PIK3R3: variants seen among roughly 807,000 people sequenced by gnomAD.
PIK3R3 encodes phosphatidylinositol 3-kinase regulatory subunit gamma.
Under a neutral mutation model 62.9 loss-of-function variants are expected in PIK3R3, and 64 were observed. The ratio of observed to expected loss-of-function variants is 1.02; its 90% CI spans 0.83 to 1.25. The LOEUF is 1.25. Ranked by LOEUF, PIK3R3 falls within the 50% of genes most tolerant of loss-of-function variation. PIK3R3 has a pLI of 0.00. For missense variants in PIK3R3, 614 were observed against 561.6 expected (o/e 1.09, Z -0.94); for synonymous variants, 165 against 189.0 (o/e 0.87, Z 1.04).
chr1:46,131,591 A>G (rs1655590379), intron 1 of PIK3R3: 1 of 529,302 alleles, frequency 1.9e-6, no homozygotes, highest in Non-Finnish European at 3.5e-6. Flanking sequence ...AATAATGATA[A>G]TTTTAAAAAG....
At position 46,043,702 on chromosome 1, in the gene PIK3R3, G is replaced by C. The variant is rs1412994876; in HGVS notation, c.1357C>G (p.His453Asp). ...CTGCAAAGCGAGGGCATCTGTGCAT[G>C]AACAGGGTAGGCAAGCCTGACGTTG... ...SLNVRLAYPV[H>D]AQMPSLCR Residue 453 changes from histidine to aspartate, a missense_variant, in exon 10 of 10, where the codon CAT becomes GAT. By Grantham distance (81) the His-to-Asp change is moderately conservative. Coordinates refer to ENST00000262741, the MANE Select transcript of PIK3R3 (RefSeq NM_003629.4). 6.2e-7 allele frequency: 1 copy of C among 1,614,080 alleles called. No homozygotes were observed. The highest frequency in any genetic ancestry group is 8.5e-7 in the Non-Finnish European group (1 of 1,180,044).
chr1:46,083,790 G>A (rs960028026), intron 1 of PIK3R3, among the ~76,000 whole-genome samples: 1 of 152,162 alleles, frequency 6.6e-6, no homozygotes, highest in African/African-American at 2.4e-5. Context: ...ACAAGTGTTG[G>A]TGAGGATGTA....
At chr1:46,133,074 T>C, upstream of PIK3R3, 3 of 999,100 alleles carry the variant, frequency 3.0e-6, no homozygotes, top group Non-Finnish European at 3.6e-6. Context: ...TCTGCCTTGC[T>C]CCTGCGAAGG....
intron 1 of PIK3R3, among the ~76,000 whole-genome samples, chr1:46,131,288 T>TA (rs944645100): frequency 9.2e-5 from 14 of 151,862 alleles, no homozygotes; most frequent in African/African-American, 2.2e-4. Flanking sequence ...GCCCAATCCC[T>TA]AAAAAAAATC....
rs1438601959 is a variant in PIK3R3 at position 46,055,911 on chromosome 1, C to T, written c.825G>A (p.Met275Ile). Reference sequence around the variant, plus strand: ...GATTCTTCAAATCCTGCTCTAGACGCATTTTGCTATCATGAATCTCACCCA... The same window carrying T: ...GATTCTTCAAATCCTGCTCTAGACGTATTTTGCTATCATGAATCTCACCCA... ...SRLGEIHDSK[M>I]RLEQDLKNQA... Residue 275 changes from methionine to isoleucine, a missense_variant, in exon 7 of 10, where the codon ATG (methionine) becomes ATA (isoleucine). Met to Ile is a conservative substitution (Grantham distance 10). Coordinates refer to ENST00000262741, the MANE Select transcript of PIK3R3 (RefSeq NM_003629.4). 4 of 1,608,422 alleles carry T rather than the reference C, an allele frequency of 2.5e-6. No individual in the cohort carries two copies. The South Asian group carries it at 3.3e-5, about 13-fold the overall frequency.
At chr1:46,172,894 G>C in the PIK3R3 span, among the ~76,000 whole-genome samples, 1 of 152,174 alleles carries the variant, frequency 6.6e-6, no homozygotes, top group Non-Finnish European at 1.5e-5. Flanking sequence ...TAGGGAGGCT[G>C]AGGCACGAGA....
At chr1:46,098,554 T>A (rs1652359854) in intron 1 of PIK3R3, among the ~76,000 whole-genome samples, 1 of 152,168 alleles carries the variant, frequency 6.6e-6, no homozygotes, top group South Asian at 2.1e-4. Flanking sequence ...GGATAAACCT[T>A]GAAAACATTA....
At chr1:46,087,781 GT>G (rs2149423401) in intron 1 of PIK3R3, among the ~76,000 whole-genome samples, 1 of 152,106 alleles carries the variant, frequency 6.6e-6, no homozygotes, top group South Asian at 2.1e-4. Context: ...CAGTTAACAA[GT>G]TCCTGCCCAC....
rs1215337859 is a variant in PIK3R3 at position 46,046,708 on chromosome 1, TAG to T, written c.942-85_942-84del. On this transcript the variant is annotated intron_variant, in intron 7 of 9. Transcript: ENST00000262741. ...GGTATGTCTGAGCCAACTAAACTTC[TAG>T]AGTCTAGACACCTCTTGTTTTTCCT... The T allele has an allele frequency of 1.7e-5, 16 of 926,136 alleles. No homozygotes were observed. The African/African-American group carries it at 2.6e-4, about 15-fold the overall frequency. 57.4% of individuals were successfully genotyped at this position (926,136 alleles called of 1,614,324 possible).
intron 3 of PIK3R3, among the ~76,000 whole-genome samples, chr1:46,073,003 C>T (rs1317104611): frequency 6.6e-6 from 1 of 151,738 alleles, no homozygotes; most frequent in Non-Finnish European, 1.5e-5. Context: ...CTAATGCTTA[C>T]CCAGTATCAG....
At chr1:46,125,885 C>T (rs1320241804) in intron 1 of PIK3R3, among the ~76,000 whole-genome samples, 1 of 151,964 alleles carries the variant, frequency 6.6e-6, no homozygotes, top group African/African-American at 2.4e-5. Context: ...CTCAACCTCC[C>T]GAGTAGCTGG....
At chr1:46,112,420 T>C (rs992367349) in intron 1 of PIK3R3, among the ~76,000 whole-genome samples, 2 of 152,188 alleles carry the variant, frequency 1.3e-5, no homozygotes, top group Non-Finnish European at 2.9e-5. Flanking sequence ...TCCATACATA[T>C]ACCTTTATAT....
chr1:46,095,980 C>T (rs1428531757), intron 1 of PIK3R3, among the ~76,000 whole-genome samples: 2 of 152,138 alleles, frequency 1.3e-5, no homozygotes, highest in African/African-American at 2.4e-5. Context: ...GACAGGGTCT[C>T]GCTGTGTTAC....
chr1:46,061,114 C>G (rs1427238418), intron 6 of PIK3R3, among the ~76,000 whole-genome samples: 2 of 152,220 alleles, frequency 1.3e-5, no homozygotes, highest in African/African-American at 4.8e-5. Flanking sequence ...GCTGCCTGCC[C>G]CCTAGTGAGC....
chr1:46,146,606 A>G, the PIK3R3 span, among the ~76,000 whole-genome samples: 6 of 151,364 alleles, frequency 4.0e-5, no homozygotes, highest in Admixed American at 2.6e-4. Context: ...TCTTGAAGCT[A>G]TCTCCCTTGG....
intron 1 of PIK3R3, among the ~76,000 whole-genome samples, chr1:46,121,003 T>A (rs1654629840): frequency 6.6e-6 from 1 of 152,184 alleles, no homozygotes; most frequent in South Asian, 2.1e-4. Flanking sequence ...ATGCCTGGAA[T>A]CACCGCAACC....
chr1:46,145,239 AC>A, the PIK3R3 span, among the ~76,000 whole-genome samples: 27 of 151,514 alleles, frequency 1.8e-4, no homozygotes, highest in Admixed American at 1.1e-3. Context: ...TTTTCTTCCT[AC>A]CCTTGGCTCT....
At position 46,132,590 on chromosome 1, in the gene PIK3R3, G is replaced by C. The variant is rs1430717171; in HGVS notation, c.-638C>G. On this transcript the variant is annotated 5_prime_UTR_variant, in exon 1 of 10. Coordinates refer to ENST00000262741, the MANE Select transcript of PIK3R3 (RefSeq NM_003629.4). ...TCTGGGCGCTCCCGCCGGGGTGTAA[G>C]AACCAACCCGACCGCACCAACTGCC... The C allele has an allele frequency of 1.6e-6, 2 of 1,288,996 alleles. No individual in the cohort carries two copies. The highest frequency in any genetic ancestry group is 2.0e-6 in the Non-Finnish European group (2 of 988,488). 79.8% of individuals were successfully genotyped at this position (1,288,996 alleles called of 1,614,324 possible).
At chr1:46,056,239 T>A (rs943102150) in intron 6 of PIK3R3, 4 of 258,764 alleles carry the variant, frequency 1.5e-5, no homozygotes, top group Non-Finnish European at 2.9e-5. Flanking sequence ...TTAGTAGAGA[T>A]GGGGTTTTGC....
Sources: allele counts gnomAD v4.1 joint callset (sites outside exome capture counted in the v4.1 genomes callset), GRCh38; gene constraint gnomAD v4.1.1; transcripts MANE v1.5; gene names NCBI Gene and HGNC (gene_info 2026-07-23, HGNC 2026-07-21).